Variants in ERICH1 observed in about 807,000 individuals in gnomAD.
The protein encoded by ERICH1 is glutamate-rich protein 1.
ERICH1 carries 56 observed loss-of-function variants against 39.6 expected under a neutral mutation model. That is an observed-to-expected ratio of 1.41 (90% CI 1.14 to 1.77). The LOEUF (loss-of-function observed/expected upper bound fraction) is 1.77, where lower values mean the gene tolerates loss of function less well. Among genes scored for constraint, ERICH1 ranks in the 40% most tolerant of loss-of-function variants. The pLI is 0.00. For missense variants in ERICH1, 826 were observed against 575.4 expected (o/e 1.44, Z -4.45); for synonymous variants, 313 against 223.6 (o/e 1.40, Z -3.57).
chr8:713,210 C>T (rs978790613), intron 2 of ERICH1, among the ~76,000 whole-genome samples: 4 of 152,258 alleles, frequency 2.6e-5, no homozygotes, highest in African/African-American at 4.8e-5. Context: ...AACTTTAGGA[C>T]CCCATCTCCA....
chr8:683,667 C>T (rs891094285), intron 3 of ERICH1, among the ~76,000 whole-genome samples: 3 of 152,102 alleles, frequency 2.0e-5, no homozygotes, highest in Non-Finnish European at 2.9e-5. Flanking sequence ...AAAGACCATA[C>T]GGGACCTCAA....
intron 1 of ERICH1, among the ~76,000 whole-genome samples, chr8:721,848 G>C (rs943510133): frequency 6.6e-6 from 1 of 152,220 alleles, no homozygotes; most frequent in African/African-American, 2.4e-5. Flanking sequence ...GATCCAATGT[G>C]TTTTTACCTA....
At chr8:714,883 G>C (rs1455551441) in intron 2 of ERICH1, among the ~76,000 whole-genome samples, 1 of 152,034 alleles carries the variant, frequency 6.6e-6, no homozygotes, top group African/African-American at 2.4e-5. Context: ...GTCTCTCGGT[G>C]GGATGTGCTG....
At chr8:626,992 C>T (rs1797625157) in intron 3 of ERICH1, 1 of 408,462 alleles carries the variant, frequency 2.4e-6, no homozygotes, top group East Asian at 7.2e-5. Flanking sequence ...ACAGCTTGGC[C>T]TGGTACTCAC....
At chr8:704,302 A>T (rs1812786367) in intron 2 of ERICH1, among the ~76,000 whole-genome samples, 1 of 152,172 alleles carries the variant, frequency 6.6e-6, no homozygotes, top group Non-Finnish European at 1.5e-5. Context: ...CCCCCGGGAG[A>T]GGTGAGACCG....
chr8:627,901 G>C (rs770459530), intron 3 of ERICH1, among the ~76,000 whole-genome samples: 1 of 152,160 alleles, frequency 6.6e-6, no homozygotes, highest in Non-Finnish European at 1.5e-5. Context: ...GCCTCCCCTA[G>C]TCCCCTCGGG....
chr8:630,688 G>C (rs866975017), intron 3 of ERICH1, among the ~76,000 whole-genome samples: 10 of 100,866 alleles, frequency 9.9e-5, no homozygotes, highest in South Asian at 3.6e-4. Context: ...CCTCCCGTGA[G>C]CACCCACACG....
At chr8:660,246 G>T (rs1801219324), downstream of ERICH1, among the ~76,000 whole-genome samples, 1 of 152,258 alleles carries the variant, frequency 6.6e-6, no homozygotes, top group Non-Finnish European at 1.5e-5. Flanking sequence ...CACACACCTG[G>T]GGCCATCACC....
At chr8:690,429 C>T (rs1438372098) in intron 3 of ERICH1, among the ~76,000 whole-genome samples, 1 of 152,264 alleles carries the variant, frequency 6.6e-6, no homozygotes, top group Non-Finnish European at 1.5e-5. Context: ...CCATTTATCA[C>T]AAGGCAGTAG....
At chr8:718,233 G>C (rs755159710) in intron 1 of ERICH1, among the ~76,000 whole-genome samples, 1 of 150,916 alleles carries the variant, frequency 6.6e-6, no homozygotes, top group Non-Finnish European at 1.5e-5. Context: ...ACCAGGGTAT[G>C]GATCGGAGTG....
chr8:648,615 G>A lies in ERICH1; in HGVS notation c.976+19983C>T, dbSNP rs566781829. On this transcript the variant is annotated intron_variant, in intron 3 of 3. Transcript: ENST00000522706. ...CTGGTTCTACTCTTCACTCCAGCGT[G>A]CACTATGTGTGAACACGGGGCTGTC... Among the ~76,000 whole-genome samples the A allele has an allele frequency of 4.4e-5, 3 of 68,398 alleles. 1 individual carries two copies. Among genetic ancestry groups the A allele is most frequent in the African/African-American group, 1.1e-4 (3 of 27,292 alleles). The allele number at this position is 68,398 out of a possible 152,430, so 44.9% of individuals were successfully genotyped here. A position where few individuals can be genotyped will look rare whatever the true frequency, so the allele number is the denominator to read the frequency against.
intron 1 of ERICH1, among the ~76,000 whole-genome samples, chr8:721,297 G>A (rs1817252446): frequency 6.6e-6 from 1 of 152,102 alleles, no homozygotes; most frequent in Non-Finnish European, 1.5e-5. Context: ...GTTTTTAAAA[G>A]AGCAAAGTTT....
intron 2 of ERICH1, among the ~76,000 whole-genome samples, chr8:699,011 C>T (rs1057405640): frequency 6.6e-5 from 10 of 151,222 alleles, no homozygotes; most frequent in Admixed American, 6.6e-5. Context: ...TCAGCTGTGG[C>T]GGGAGGCTCA....
At chr8:678,898 C>T (rs1397798482) in intron 3 of ERICH1, among the ~76,000 whole-genome samples, 4 of 152,144 alleles carry the variant, frequency 2.6e-5, no homozygotes, top group Non-Finnish European at 4.4e-5. Context: ...ACGTCCCTCA[C>T]GGCTCTGGGC....
intron 5 of ERICH1, chr8:667,052 C>G (rs1240300239): frequency 6.5e-6 from 1 of 152,934 alleles, no homozygotes; most frequent in African/African-American, 2.4e-5. Context: ...CCAGACTGGT[C>G]TCCATTCTCT....
intron 1 of ERICH1, among the ~76,000 whole-genome samples, chr8:723,582 G>C (rs185299116): frequency 9.8e-5 from 15 of 152,304 alleles, no homozygotes; most frequent in African/African-American, 2.4e-4. Flanking sequence ...TCAGTTTAGA[G>C]AAAATACCAA....
rs533999534 is a variant in ERICH1 at position 727,366 on chromosome 8, T to C, written c.22+3774A>G. ...CACCGTGGACAGCGCCAGCGATTCC[T>C]GGCGTGTGAAGTTGGGGCAATCCAC... On this transcript the variant is annotated intron_variant, in intron 1 of 5. Transcript: ENST00000262109. 3.9e-5 allele frequency among the ~76,000 whole-genome samples: 6 copies of C among 152,310 alleles called. No homozygotes were observed. The South Asian group carries it at 1.2e-3, about 32-fold the overall frequency.
At chr8:716,641 C>T (rs1801061450) in intron 1 of ERICH1, among the ~76,000 whole-genome samples, 1 of 152,210 alleles carries the variant, frequency 6.6e-6, no homozygotes, top group South Asian at 2.1e-4. Flanking sequence ...GACAAACGGT[C>T]ATAATGAATA....
At chr8:629,976 G>A (rs1797879936) in intron 3 of ERICH1, among the ~76,000 whole-genome samples, 1 of 130,284 alleles carries the variant, frequency 7.7e-6, no homozygotes, top group Non-Finnish European at 1.6e-5. Flanking sequence ...CACCCACACA[G>A]AACTGACTCA....
Sources: gnomAD v4.1 joint callset for allele counts (sites outside exome capture counted in the v4.1 genomes callset) on GRCh38, gnomAD v4.1.1 for gene constraint, MANE v1.5 for transcripts, NCBI Gene and HGNC (gene_info 2026-07-23, HGNC 2026-07-21) for gene names.